Variants in COL14A1 observed in about 807,000 individuals in gnomAD.
COL14A1 encodes collagen type XIV alpha 1 chain.
Under a neutral mutation model 230.3 loss-of-function variants are expected in COL14A1, and 136 were observed. That is an observed-to-expected ratio of 0.59 (90% CI 0.51 to 0.68). The LOEUF (loss-of-function observed/expected upper bound fraction) is 0.68, where lower values mean the gene tolerates loss of function less well. Ranked by LOEUF, COL14A1 falls within the 30% of genes least tolerant of loss-of-function variation. The pLI is 0.00. For missense variants in COL14A1, 1,976 were observed against 2,215.8 expected (o/e 0.89, Z 2.17); for synonymous variants, 792 against 784.1 (o/e 1.01, Z -0.17).
At chr8:120,212,601 G>A in intron 13 of COL14A1, 24 bp downstream of exon 13, 1 of 1,612,186 alleles carries the variant, frequency 6.2e-7, no homozygotes, top group Non-Finnish European at 8.5e-7. Flanking sequence ...CCATTCAGTT[G>A]GGATGCTGTA....
intron 47 of COL14A1, chr8:120,370,354 A>G: frequency 6.2e-7 from 1 of 1,612,116 alleles, no homozygotes. Flanking sequence ...CCCTACAATG[A>G]TTACCAGCAC....
intron 18 of COL14A1, among the ~76,000 whole-genome samples, chr8:120,229,825 C>G (rs1322754310): frequency 6.6e-6 from 1 of 152,150 alleles, no homozygotes; most frequent in East Asian, 1.9e-4. Flanking sequence ...GAGATGGTAT[C>G]TCATTGTGGT....
chr8:120,334,969 A>G (rs897042955), intron 42 of COL14A1, among the ~76,000 whole-genome samples: 3 of 152,228 alleles, frequency 2.0e-5, no homozygotes, highest in Non-Finnish European at 4.4e-5. Context: ...ATTTGGTTAG[A>G]CAATAAACGT....
chr8:120,202,294 A>C (rs1037666350), intron 8 of COL14A1, among the ~76,000 whole-genome samples: 1 of 152,228 alleles, frequency 6.6e-6, no homozygotes, highest in Non-Finnish European at 1.5e-5. Flanking sequence ...AGCAGTATTT[A>C]TTAACCTGCA....
chr8:120,141,544 C>CA (rs1274898066), intron 1 of COL14A1, among the ~76,000 whole-genome samples: 6 of 149,180 alleles, frequency 4.0e-5, no homozygotes, highest in Non-Finnish European at 7.4e-5. Context: ...GACCCTGTCT[C>CA]AAAAAAAAGA....
intron 40 of COL14A1, among the ~76,000 whole-genome samples, chr8:120,320,096 AG>A (rs1022612193): frequency 6.6e-6 from 1 of 152,156 alleles, no homozygotes; most frequent in African/African-American, 2.4e-5. Context: ...CAGGAAAACT[AG>A]GAAGAACAGG....
chr8:120,158,105 C>T, intron 2 of COL14A1, 25 bp from the exon 3 acceptor site: 1 of 1,228,814 alleles, frequency 8.1e-7, no homozygotes, highest in Non-Finnish European at 1.2e-6. Context: ...ACAATGTTTA[C>T]ATCATTTTTG....
rs541180555 is a variant in COL14A1 at position 120,362,062 on chromosome 8, T to G, written c.5078-5109T>G. 3.3e-5 allele frequency among the ~76,000 whole-genome samples: 5 copies of G among 152,208 alleles called. No homozygotes were observed. In the South Asian group the frequency reaches 8.3e-4, roughly 25 times the overall value. ...GGCCAGAGAGAGTGTGCAGACACAT[T>G]TGGCAGGAGGTTTGGGAAGCCATAA... On this transcript the variant is annotated intron_variant, in intron 45 of 47. Coordinates refer to ENST00000297848, the MANE Select transcript of COL14A1 (RefSeq NM_021110.4).
chr8:120,255,157 T>A (rs1819103050), intron 22 of COL14A1, 83 bp from the exon 23 acceptor site: 1 of 1,084,336 alleles, frequency 9.2e-7, no homozygotes, highest in South Asian at 1.3e-5. Flanking sequence ...TGAATGAAAA[T>A]TTTTCCAGAA....
At chr8:120,348,898 T>C (rs1822639589) in intron 45 of COL14A1, among the ~76,000 whole-genome samples, 1 of 152,250 alleles carries the variant, frequency 6.6e-6, no homozygotes, top group Non-Finnish European at 1.5e-5. Context: ...CTTCCTGTTA[T>C]TCCCTGTTTT....
chr8:120,268,178 A>G (rs975306412), intron 25 of COL14A1, among the ~76,000 whole-genome samples: 1 of 151,770 alleles, frequency 6.6e-6, no homozygotes, highest in Non-Finnish European at 1.5e-5. Flanking sequence ...TAATAGCAAA[A>G]TTGTACAACT....
At chr8:120,279,551 T>C (rs113265338) in intron 28 of COL14A1, among the ~76,000 whole-genome samples, 3,972 of 90,628 alleles carry the variant, frequency 0.044, 184 homozygotes, top group African/African-American at 0.18. Context: ...CTTCTACTTC[T>C]GAAAAAAAAA....
chr8:120,213,869 T>G (rs1433959670), intron 13 of COL14A1: 1 of 354,494 alleles, frequency 2.8e-6, no homozygotes, highest in Non-Finnish European at 5.4e-6. Flanking sequence ...CCAGAAAAAT[T>G]TAGAGCCAAA....
At chr8:120,190,860 A>G (rs1816800038) in intron 5 of COL14A1, among the ~76,000 whole-genome samples, 1 of 151,682 alleles carries the variant, frequency 6.6e-6, no homozygotes, top group African/African-American at 2.4e-5. Flanking sequence ...CTCTGATGGT[A>G]GTTTGTATTT....
rs775692996 is a variant in COL14A1, at chr8:120,209,887, G to A, written c.1453G>A (p.Gly485Arg). 3 of 1,604,038 alleles carry A rather than the reference G, an allele frequency of 1.9e-6. No individual in the cohort carries two copies. Among genetic ancestry groups the A allele is most frequent in the South Asian group, 1.1e-5 (1 of 88,932 alleles). ...LYAPLTEGLA[G>R]DEKEMKIGET... is the part of the protein sequence containing the mutation. ...TGCTCCTCTAACAGAGGGCCTGGCT[G>A]GGGATGAAAAAGAGGTAACCACTTC... The change falls in exon 12 of 48, where the codon GGG (glycine) becomes AGG (arginine). Residue 485 changes from glycine (G) to arginine (R), a missense_variant. By Grantham distance (125) the Gly-to-Arg change is moderately radical. Coordinates refer to ENST00000297848, the MANE Select transcript of COL14A1 (RefSeq NM_021110.4).
At chr8:120,285,672 A>T (rs918371092) in intron 32 of COL14A1, among the ~76,000 whole-genome samples, 189 bp from the exon 33 acceptor site, 1 of 152,052 alleles carries the variant, frequency 6.6e-6, no homozygotes, top group Non-Finnish European at 1.5e-5. Flanking sequence ...CAAGTGGCTT[A>T]ATCAGTTCAT....
At chr8:120,199,365 A>G (rs1238388563) in intron 7 of COL14A1, 37 bp from the exon 8 acceptor site, 3 of 1,518,990 alleles carry the variant, frequency 2.0e-6, no homozygotes, top group Non-Finnish European at 2.6e-6. Flanking sequence ...TTTTTATTAG[A>G]GATAGCTGGT....
intron 1 of COL14A1, among the ~76,000 whole-genome samples, chr8:120,136,793 C>T (rs959187796): frequency 2.0e-5 from 3 of 151,482 alleles, no homozygotes; most frequent in African/African-American, 7.3e-5. Context: ...GTGAAACCCC[C>T]ATCTCTACCA....
intron 33 of COL14A1, among the ~76,000 whole-genome samples, chr8:120,287,850 A>G (rs187755672): frequency 6.6e-6 from 1 of 152,252 alleles, no homozygotes; most frequent in Admixed American, 6.5e-5. Flanking sequence ...AAATGAATAA[A>G]TACTTTATCT....
Sources: gnomAD v4.1 joint callset for allele counts (sites outside exome capture counted in the v4.1 genomes callset) on GRCh38, gnomAD v4.1.1 for gene constraint, MANE v1.5 for transcripts, NCBI Gene and HGNC (gene_info 2026-07-23, HGNC 2026-07-21) for gene names.